The following UPP2 variants were observed in gnomAD, a reference collection of about 807,000 sequenced individuals.
UPP2 encodes the protein uridine phosphorylase 2, also known as UPase 2.
In UPP2, 23 loss-of-function variants were observed where a neutral mutation model predicts 26.7. The observed-to-expected ratio is 0.86, with a 90% CI of 0.62 to 1.22. UPP2 has a LOEUF of 1.22. UPP2 is among the 50% of genes most tolerant of loss of function. The probability of loss-of-function intolerance (pLI) is 0.00; values close to 1 mark genes in which losing one functional copy is unlikely to be tolerated. For missense variants in UPP2, 387 were observed against 396.7 expected, an observed-to-expected ratio of 0.98 and a Z score of 0.21; for synonymous variants, 127 against 141.3, an observed-to-expected ratio of 0.90 and a Z score of 0.72.
At chr2:158,047,008 A>T (rs776170491) in intron 3 of UPP2, among the ~76,000 whole-genome samples, 5 of 152,258 alleles carry the variant, frequency 3.3e-5, no homozygotes, top group Non-Finnish European at 7.3e-5. Flanking sequence ...GATTCAGAAG[A>T]TAGTTCAGAA....
chr2:158,049,284 GGAGA>G (rs1341790579), intron 3 of UPP2, among the ~76,000 whole-genome samples: 8 of 152,290 alleles, frequency 5.3e-5, no homozygotes, highest in African/African-American at 1.9e-4. Flanking sequence ...TGTGACAGAT[GGAGA>G]GAGATTTAGG....
chr2:158,104,577 T>C (rs977244430), intron 1 of UPP2, among the ~76,000 whole-genome samples: 4 of 151,992 alleles, frequency 2.6e-5, no homozygotes, highest in African/African-American at 9.7e-5. Flanking sequence ...TCGATAAAGA[T>C]ATAGAAAGAC....
At chr2:158,007,181 T>C (rs1033367320) in intron 2 of UPP2, among the ~76,000 whole-genome samples, 1 of 152,198 alleles carries the variant, frequency 6.6e-6, no homozygotes, top group African/African-American at 2.4e-5. Context: ...GTGCTTGATA[T>C]GCATCATCTT....
intron 2 of UPP2, among the ~76,000 whole-genome samples, chr2:158,106,756 A>T (rs559674744): frequency 6.6e-6 from 1 of 152,148 alleles, no homozygotes; most frequent in Non-Finnish European, 1.5e-5. Context: ...TTTATCTGAC[A>T]TATTTTAATT....
intron 3 of UPP2, among the ~76,000 whole-genome samples, chr2:158,033,582 C>A (rs996478396): frequency 6.6e-6 from 1 of 152,134 alleles, no homozygotes; most frequent in Non-Finnish European, 1.5e-5. Context: ...GGGGAATGGG[C>A]GGTCCAGCAG....
chr2:158,074,557 A>G lies in UPP2; in HGVS notation c.148-27483A>G, dbSNP rs530929976. On this transcript the variant is annotated intron_variant, in intron 3 of 9. Transcript: ENST00000605860. ...TATGACAGTATTTACAGGCTTCATG[A>G]TAACTTCAAATTTAAAAACATAGTA... is the stretch of plus-strand genomic sequence containing the variant. Among the ~76,000 whole-genome samples, 15 of 152,240 alleles carry G rather than the reference A, an allele frequency of 9.9e-5. No homozygotes were observed. The South Asian group carries it at 3.1e-3, about 32-fold the overall frequency.
intron 3 of UPP2, among the ~76,000 whole-genome samples, chr2:158,066,236 T>C (rs527337590): frequency 5.2e-4 from 79 of 152,324 alleles, no homozygotes; most frequent in African/African-American, 1.8e-3. Flanking sequence ...TGGCAACCTC[T>C]GTGTTTGGGT....
In UPP2 at chr2:158,101,988, C is replaced by G. The variant is rs553022861; in HGVS notation, c.-76C>G. The stretch of plus-strand genomic sequence containing the variant: ...GGGAACTGAACTATTATGACTAGGT[C>G]TATAATTTAATAACAAGTCACAATA... On this transcript the variant is annotated 5_prime_UTR_variant, in exon 1 of 7. Transcript: ENST00000005756. 2.6e-4 allele frequency: 410 copies of G among 1,598,824 alleles called. 5 individuals are homozygous for G. In the South Asian group the frequency reaches 4.4e-3, roughly 17 times the overall value.
chr2:158,024,272 A>G (rs1007406386), intron 3 of UPP2, among the ~76,000 whole-genome samples: 10 of 152,148 alleles, frequency 6.6e-5, no homozygotes, highest in African/African-American at 2.4e-4. Flanking sequence ...TCCTTAGTTT[A>G]AGGACCAAAA....
At chr2:158,133,189 T>C (rs1432298885) in intron 6 of UPP2, among the ~76,000 whole-genome samples, 2 of 152,206 alleles carry the variant, frequency 1.3e-5, no homozygotes, top group Non-Finnish European at 2.9e-5. Context: ...ACTTAGCCTT[T>C]AAAAAGAAGG....
chr2:158,019,040 A>T (rs1045102202), intron 3 of UPP2, among the ~76,000 whole-genome samples: 1 of 152,250 alleles, frequency 6.6e-6, no homozygotes, highest in Non-Finnish European at 1.5e-5. Context: ...AGGAAAGGGT[A>T]TACATACTCT....
chr2:158,009,075 A>C (rs772715729), intron 2 of UPP2, among the ~76,000 whole-genome samples: 3 of 152,190 alleles, frequency 2.0e-5, no homozygotes, highest in Non-Finnish European at 4.4e-5. Context: ...TGATATTGCA[A>C]ATTTTAAATA....
intron 2 of UPP2, among the ~76,000 whole-genome samples, chr2:158,106,780 G>T (rs1241412667): frequency 6.6e-6 from 1 of 151,842 alleles, no homozygotes; most frequent in Admixed American, 6.6e-5. Context: ...TAAGCAATTT[G>T]TGTACATTAT....
At chr2:158,009,692 G>A (rs72934800) in intron 2 of UPP2, among the ~76,000 whole-genome samples, 327 of 152,332 alleles carry the variant, frequency 2.1e-3, no homozygotes, top group Non-Finnish European at 3.7e-3. Flanking sequence ...AGACTGGACT[G>A]TGCCCTAGAA....
chr2:158,079,372 C>T lies in UPP2; in HGVS notation c.148-22668C>T, dbSNP rs1399482778. On this transcript the variant is annotated intron_variant, in intron 3 of 9. Coordinates refer to the UPP2 transcript ENST00000605860. The stretch of plus-strand genomic sequence containing the variant: ...TTATAAGAATTTGGTCCTAGATATG[C>T]TTCTTGGATTGGCTGATCAGGGGTT... 2.0e-5 allele frequency among the ~76,000 whole-genome samples: 3 copies of T among 151,978 alleles called. No homozygotes were observed. The East Asian group carries it at 5.8e-4, about 29-fold the overall frequency.
chr2:158,042,233 G>T (rs1684091334), intron 3 of UPP2, among the ~76,000 whole-genome samples: 1 of 152,134 alleles, frequency 6.6e-6, no homozygotes, highest in Admixed American at 6.5e-5. Flanking sequence ...ACTGATTTAG[G>T]CCTGTACAGT....
intron 3 of UPP2, among the ~76,000 whole-genome samples, chr2:158,093,723 G>A (rs974544704): frequency 1.3e-5 from 2 of 151,978 alleles, no homozygotes; most frequent in African/African-American, 4.8e-5. Context: ...CAGATTTATT[G>A]GCAACAATAT....
At chr2:158,019,033 A>G (rs946689493) in intron 3 of UPP2, among the ~76,000 whole-genome samples, 2 of 152,250 alleles carry the variant, frequency 1.3e-5, no homozygotes, top group Non-Finnish European at 2.9e-5. Context: ...CACCATAAGG[A>G]AAGGGTATAC....
intron 3 of UPP2, among the ~76,000 whole-genome samples, chr2:158,056,624 C>T (rs1308055438): frequency 1.3e-5 from 2 of 152,152 alleles, no homozygotes; most frequent in Non-Finnish European, 2.9e-5. Flanking sequence ...CTTTGGTGTC[C>T]CAGGGCTTAC....
Sources: gnomAD v4.1 joint callset for allele counts (sites outside exome capture counted in the v4.1 genomes callset) on GRCh38, gnomAD v4.1.1 for gene constraint, MANE v1.5 for transcripts, NCBI Gene and HGNC (gene_info 2026-07-23, HGNC 2026-07-21) for gene names.